The following SLIT2 variants were observed in gnomAD, a reference collection of about 807,000 sequenced individuals.
SLIT2 encodes slit guidance ligand 2.
Under a neutral mutation model 185.7 loss-of-function variants are expected in SLIT2, and 41 were observed. The observed-to-expected ratio is 0.22, with a 90% CI of 0.17 to 0.29. The LOEUF (loss-of-function observed/expected upper bound fraction) is 0.29. Ranked by LOEUF, SLIT2 falls within the 10% of genes least tolerant of loss-of-function variation. The pLI is 1.00. For synonymous variants in SLIT2, 693 were observed against 680.2 expected (o/e 1.02, Z -0.29); for missense variants, 1,571 against 1,909.0 (o/e 0.82, Z 3.30).
Position 20,451,397 on chromosome 4 carries a change from T to C in SLIT2, c.396-16355T>C, listed in dbSNP as rs147815496. Among the ~76,000 whole-genome samples the C allele has an allele frequency of 3.7e-3, 567 of 152,358 alleles. 2 individuals carry two copies. The highest frequency in any genetic ancestry group is 6.8e-3 in the Middle Eastern group (2 of 294). Reference sequence around the variant, plus strand: ...CTAATTCCTTAAAGGATGTCTCCTTTGTTCCAGCTAATGCAGCTAAAAGGA... The same window carrying C: ...CTAATTCCTTAAAGGATGTCTCCTTCGTTCCAGCTAATGCAGCTAAAAGGA... On this transcript the variant is annotated intron_variant, in intron 4 of 36. Coordinates refer to ENST00000504154, the MANE Select transcript of SLIT2 (RefSeq NM_004787.4).
rs61746361 is a variant in SLIT2, at chr4:20,617,472, G to T, written c.4170G>T (p.Ala1390=). Residue 1390 remains alanine, a synonymous_variant, in exon 36 of 37, where the codon GCG becomes GCT. Transcript: ENST00000504154. ...ATGGCACCTGCTTGCCCATCAATGC[G>T]TTCTCCTACAGCTGTAAGTGCTTGG... The part of the protein sequence containing the change: ...CVHGTCLPIN[A]FSYSCKCLEG... 1 of 1,613,918 alleles carries T rather than the reference G, an allele frequency of 6.2e-7. No individual in the cohort carries two copies. Among genetic ancestry groups the T allele is most frequent in the African/African-American group, 1.3e-5 (1 of 74,892 alleles).
chr4:20,390,758 TA>T (rs1281627615), intron 4 of SLIT2, among the ~76,000 whole-genome samples: 7 of 150,378 alleles, frequency 4.7e-5, no homozygotes, highest in African/African-American at 7.3e-5. Flanking sequence ...AAAAAGATCT[TA>T]TTTTTTTTTT....
intron 23 of SLIT2, 134 bp downstream of exon 23, chr4:20,548,693 A>C: frequency 3.1e-6 from 2 of 644,602 alleles, no homozygotes; most frequent in South Asian, 3.8e-5. Context: ...AACAGACAAA[A>C]CCACGATACG....
At chr4:20,527,916 T>C (rs1480386010) in intron 15 of SLIT2, among the ~76,000 whole-genome samples, 2 of 152,170 alleles carry the variant, frequency 1.3e-5, no homozygotes, top group Admixed American at 1.3e-4. Context: ...TTTTCAATCC[T>C]GATGTACCTT....
intron 26 of SLIT2, among the ~76,000 whole-genome samples, chr4:20,559,631 T>G (rs1724535331): frequency 6.6e-6 from 1 of 151,876 alleles, no homozygotes; most frequent in Admixed American, 6.6e-5. Flanking sequence ...TTTACATAGA[T>G]TTTTATCTCT....
intron 4 of SLIT2, among the ~76,000 whole-genome samples, chr4:20,354,953 G>A (rs1722206575): frequency 6.8e-6 from 1 of 146,496 alleles, no homozygotes; most frequent in Non-Finnish European, 1.5e-5. Context: ...GAGAAGCAAG[G>A]GCAAGAAAAA....
At chr4:20,516,133 G>A (rs930302969) in intron 11 of SLIT2, among the ~76,000 whole-genome samples, 3 of 152,168 alleles carry the variant, frequency 2.0e-5, no homozygotes, top group African/African-American at 7.2e-5. Flanking sequence ...CTTTCAATAA[G>A]AGCACAAGAG....
At position 20,313,555 on chromosome 4, in the gene SLIT2, T is replaced by C. The variant is rs1243458673; in HGVS notation, c.395+44674T>C. 2.6e-5 allele frequency among the ~76,000 whole-genome samples: 4 copies of C among 152,318 alleles called. No homozygotes were observed. The South Asian group carries it at 8.3e-4, about 32-fold the overall frequency. On this transcript the variant is annotated intron_variant, in intron 4 of 36. Transcript: ENST00000504154. ...CAGACCACATGAGTGGCTTTCTGATTACTTTCTGCCTTCTTTTTTTCTTTT... is the reference window on the plus strand; with the variant it reads ...CAGACCACATGAGTGGCTTTCTGATCACTTTCTGCCTTCTTTTTTTCTTTT...
chr4:20,486,623 C>G (rs1225495423), intron 7 of SLIT2, among the ~76,000 whole-genome samples: 1 of 152,024 alleles, frequency 6.6e-6, no homozygotes, highest in Non-Finnish European at 1.5e-5. Context: ...TGCAAGCAGA[C>G]CTAATAAAGC....
chr4:20,568,760 G>C, intron 28 of SLIT2, 105 bp from the exon 29 acceptor site: 1 of 982,720 alleles, frequency 1.0e-6, no homozygotes, highest in South Asian at 1.6e-5. Context: ...GTAGTTAAAA[G>C]CTCTATGGTT....
intron 29 of SLIT2, among the ~76,000 whole-genome samples, chr4:20,581,108 T>C (rs1221820202): frequency 2.0e-5 from 3 of 152,270 alleles, no homozygotes; most frequent in African/African-American, 7.2e-5. Flanking sequence ...CAACAGAGTT[T>C]TATTGTCTTA....
intron 18 of SLIT2, among the ~76,000 whole-genome samples, chr4:20,534,191 T>C (rs1364160930): frequency 6.6e-6 from 1 of 152,166 alleles, no homozygotes; most frequent in African/African-American, 2.4e-5. Context: ...CTGTAAGCTT[T>C]AGAATCCCCT....
At position 20,491,368 on chromosome 4, in the gene SLIT2, G is replaced by T. The variant is rs1429558180; in HGVS notation, c.776-393G>T. On this transcript the variant is annotated intron_variant, in intron 8 of 36. Coordinates refer to ENST00000504154, the MANE Select transcript of SLIT2 (RefSeq NM_004787.4). Reference sequence around the variant, plus strand: ...TAAAAGAAATTACAAAGTAAATAAAGCTGCATGAATTTGATAAAGACCAAG... The same window carrying T: ...TAAAAGAAATTACAAAGTAAATAAATCTGCATGAATTTGATAAAGACCAAG... 9.2e-5 allele frequency among the ~76,000 whole-genome samples: 14 copies of T among 152,130 alleles called. No individual in the cohort carries two copies. The South Asian group carries it at 2.5e-3, about 27-fold the overall frequency.
At chr4:20,296,082 A>G (rs1489492583) in intron 4 of SLIT2, among the ~76,000 whole-genome samples, 1 of 152,238 alleles carries the variant, frequency 6.6e-6, no homozygotes, top group Non-Finnish European at 1.5e-5. Flanking sequence ...TACTGTAGAT[A>G]TTCTAGAAAG....
At chr4:20,273,107 G>A (rs980602804) in intron 4 of SLIT2, among the ~76,000 whole-genome samples, 4 of 151,708 alleles carry the variant, frequency 2.6e-5, no homozygotes, top group Admixed American at 1.3e-4. Context: ...TTTTTATTAA[G>A]GTAATCAATT....
intron 4 of SLIT2, among the ~76,000 whole-genome samples, chr4:20,419,221 A>G (rs1212902168): frequency 6.6e-6 from 1 of 152,200 alleles, no homozygotes; most frequent in Non-Finnish European, 1.5e-5. Context: ...GAAAGCCAAT[A>G]AATGTCACAA....
intron 4 of SLIT2, among the ~76,000 whole-genome samples, chr4:20,337,237 A>T (rs2109219747): frequency 6.6e-6 from 1 of 152,304 alleles, no homozygotes; most frequent in Non-Finnish European, 1.5e-5. Context: ...AAGGCCTCAC[A>T]ATCATGGCGG....
chr4:20,405,997 A>G lies in SLIT2; in HGVS notation c.396-61755A>G, dbSNP rs1237530529. 5.5e-5 allele frequency among the ~76,000 whole-genome samples: 6 copies of G among 109,436 alleles called. 1 individual carries two copies. In the South Asian group the frequency reaches 2.5e-3, roughly 46 times the overall value. The allele number at this position is 109,436 out of a possible 152,430, so 71.8% of individuals were successfully genotyped here. ...GACTGGATCTGGACAATAGTATATG[A>G]TGTGTGTCACTTTTGAGCTAATTCA... On this transcript the variant is annotated intron_variant, in intron 4 of 36. Coordinates refer to ENST00000504154, the MANE Select transcript of SLIT2 (RefSeq NM_004787.4).
chr4:20,277,807 G>A (rs1445996125), intron 4 of SLIT2, among the ~76,000 whole-genome samples: 1 of 149,714 alleles, frequency 6.7e-6, no homozygotes, highest in Non-Finnish European at 1.5e-5. Flanking sequence ...GAAGAATAAT[G>A]CCATTAATAT....
Sources: allele counts gnomAD v4.1 joint callset (sites outside exome capture counted in the v4.1 genomes callset), GRCh38; gene constraint gnomAD v4.1.1; transcripts MANE v1.5; gene names NCBI Gene and HGNC (gene_info 2026-07-23, HGNC 2026-07-21).